ZNF718: variants seen among roughly 807,000 people sequenced by gnomAD.
ZNF718 encodes the protein zinc finger protein 718.
Under a neutral mutation model 2.6 loss-of-function variants are expected in ZNF718, and 3 were observed. The ratio of observed to expected loss-of-function variants is 1.16; its 90% CI spans 0.53 to 3.01. The LOEUF is 3.01. Among genes scored for constraint, ZNF718 ranks in the 30% most tolerant of loss-of-function variants. ZNF718 has a pLI of 0.03. For missense variants in ZNF718, 468 were observed against 230.0 expected (o/e 2.03, Z -6.69); for synonymous variants, 135 against 77.9 (o/e 1.73, Z -3.86).
At chr4:144,856 C>T (rs547596133) in intron 3 of ZNF718, among the ~76,000 whole-genome samples, 49 of 152,228 alleles carry the variant, frequency 3.2e-4, no homozygotes, top group Admixed American at 5.9e-4. Flanking sequence ...TGTATCTTGA[C>T]TAAATGTATG....
chr4:161,110 C>A lies in ZNF718; in HGVS notation c.425C>A (p.Thr142Lys), dbSNP rs1272656729. 2 of 765,626 alleles carry A rather than the reference C, an allele frequency of 2.6e-6. No individual in the cohort carries two copies. Among genetic ancestry groups the A allele is most frequent in the Non-Finnish European group, 2.4e-6 (1 of 409,816 alleles). 47.4% of individuals were successfully genotyped at this position (765,626 alleles called of 1,614,324 possible). A position where few individuals can be genotyped will look rare whatever the true frequency, so the allele number is the denominator to read the frequency against. Residue 142 changes from threonine to lysine, a missense_variant, in exon 4 of 4, where the codon ACA (threonine) becomes AAA (lysine). Transcript: ENST00000510175. ...TGCTTATTAACTACCCAGAAAAAAA[C>A]AATTCAATCTAATATATGTGTCAAA... ...NQCLLTTQKK[T>K]IQSNICVKVF...
intron 3 of ZNF718, among the ~76,000 whole-genome samples, chr4:138,123 A>G (rs1553809675): frequency 6.6e-6 from 1 of 152,198 alleles, no homozygotes. Context: ...TCAAGTGTTT[A>G]TTCTTTGTTT....
chr4:164,876 T>A (rs1372034327), downstream of ZNF718, among the ~76,000 whole-genome samples: 2 of 152,200 alleles, frequency 1.3e-5, no homozygotes, highest in African/African-American at 4.8e-5. Flanking sequence ...AGGTGTGTAA[T>A]AGCTGCTCCA....
intron 3 of ZNF718, among the ~76,000 whole-genome samples, chr4:194,523 CCTGA>C (rs1170147627): frequency 1.3e-5 from 2 of 152,164 alleles, no homozygotes; most frequent in African/African-American, 4.8e-5. Context: ...CTATCTTTGA[CCTGA>C]CTGAGATATC....
chr4:134,375 C>A (rs949923606), intron 3 of ZNF718, among the ~76,000 whole-genome samples: 2 of 152,104 alleles, frequency 1.3e-5, no homozygotes, highest in Admixed American at 1.3e-4. Context: ...CTCTATCTGA[C>A]CTCGTGATCT....
chr4:185,995 T>G (rs1717559813), intron 3 of ZNF718, among the ~76,000 whole-genome samples: 1 of 152,086 alleles, frequency 6.6e-6, no homozygotes, highest in South Asian at 2.1e-4. Flanking sequence ...CCTATTCGTA[T>G]TTAAGGTTAG....
chr4:156,645 C>CA (rs1464894589), intron 3 of ZNF718, among the ~76,000 whole-genome samples: 12 of 152,190 alleles, frequency 7.9e-5, no homozygotes, highest in Admixed American at 3.9e-4. Flanking sequence ...TGGCGCTTTG[C>CA]AAAAACAATT....
rs782662511 is a variant in ZNF718 at position 161,958 on chromosome 4, T to C, written c.1273T>C (p.Cys425Arg). 2.6e-5 allele frequency: 20 copies of C among 779,770 alleles called. No individual in the cohort carries two copies. Among genetic ancestry groups the C allele is most frequent in the Non-Finnish European group, 1.4e-5 (6 of 417,512 alleles). The allele number at this position is 779,770 out of a possible 1,614,324, so 48.3% of individuals were successfully genotyped here. ...TCATACTGGAGAGAAACCCTACATA[T>C]GTAAACAATGTGGCAAAGCCTTTAA... Reference protein sequence around the residue: ...KIHTGEKPYICKQCGKAFKQS... With the variant: ...KIHTGEKPYIRKQCGKAFKQS... The change falls in exon 4 of 4, where the codon TGT becomes CGT. Residue 425 changes from cysteine (C) to arginine (R), a missense_variant. By Grantham distance (180) the Cys-to-Arg change is radical. Coordinates refer to ENST00000510175, the MANE Select transcript of ZNF718 (RefSeq NM_001039127.6).
intron 3 of ZNF718, among the ~76,000 whole-genome samples, chr4:192,087 G>C (rs1476839955): frequency 6.6e-6 from 1 of 152,192 alleles, no homozygotes; most frequent in African/African-American, 2.4e-5. Flanking sequence ...TGGATCAGAA[G>C]TGCAGTGGAC....
At chr4:139,731 G>A (rs1715727607) in intron 3 of ZNF718, among the ~76,000 whole-genome samples, 1 of 152,224 alleles carries the variant, frequency 6.6e-6, no homozygotes, top group South Asian at 2.1e-4. Flanking sequence ...GGAGGAAGAA[G>A]TAAGCCCAAA....
intron 3 of ZNF718, among the ~76,000 whole-genome samples, chr4:187,219 T>C (rs1717587392): frequency 1.3e-5 from 2 of 151,880 alleles, no homozygotes; most frequent in Admixed American, 6.6e-5. Context: ...TTGGGGTTTT[T>C]TTTGTTTTTG....
intron 3 of ZNF718, chr4:149,992 A>G (rs1397292314): frequency 6.6e-6 from 1 of 152,152 alleles, no homozygotes; most frequent in African/African-American, 2.4e-5. Flanking sequence ...CTTGTAAAAT[A>G]CAATACCCAA....
chr4:189,454 T>C (rs1443760737), intron 3 of ZNF718, among the ~76,000 whole-genome samples: 1 of 152,180 alleles, frequency 6.6e-6, no homozygotes, highest in Non-Finnish European at 1.5e-5. Flanking sequence ...ATTACTGTTA[T>C]ATAAAAGTAT....
Position 131,469 on chromosome 4 carries a change from A to G in ZNF718, c.190A>G (p.Asn64Asp). ...TSLEQRKEPY[N>D]LKIHETAARP... is the part of the protein sequence containing the mutation. ...TCTGGAGCAAAGAAAAGAGCCCTAC[A>G]ATTTGAAGATACATGAAACAGCAGC... is the stretch of plus-strand genomic sequence containing the variant. The change falls in exon 3 of 4, where the codon AAT (asparagine) becomes GAT (aspartate). Residue 64 changes from asparagine (N) to aspartate (D), a missense_variant. By Grantham distance (23) the Asn-to-Asp change is conservative. Coordinates refer to ENST00000510175, the MANE Select transcript of ZNF718 (RefSeq NM_001039127.6). The G allele has an allele frequency of 1.9e-6, 1 of 526,400 alleles. No individual in the cohort carries two copies. The highest frequency in any genetic ancestry group is 3.0e-6 in the Non-Finnish European group (1 of 331,138). The allele number at this position is 526,400 out of a possible 1,614,324, so 32.6% of individuals were successfully genotyped here. A position where few individuals can be genotyped will look rare whatever the true frequency, so the allele number is the denominator to read the frequency against.
intron 3 of ZNF718, among the ~76,000 whole-genome samples, chr4:158,319 T>A (rs539424853): frequency 6.6e-6 from 1 of 152,218 alleles, no homozygotes; most frequent in East Asian, 1.9e-4. Flanking sequence ...ATTGTTAAAA[T>A]TTTTTTATTC....
intron 3 of ZNF718, among the ~76,000 whole-genome samples, chr4:177,191 C>A (rs1444193774): frequency 6.6e-6 from 1 of 152,188 alleles, no homozygotes; most frequent in Non-Finnish European, 1.5e-5. Flanking sequence ...ATTGCCTCCT[C>A]AACTTTCCAC....
chr4:172,194 T>C (rs1159793150), intron 3 of ZNF718, among the ~76,000 whole-genome samples: 2 of 152,238 alleles, frequency 1.3e-5, no homozygotes, highest in African/African-American at 2.4e-5. Context: ...CCTCTTTTTT[T>C]CTGAATAAAC....
rs782785436 is a variant in ZNF718 at position 149,086 on chromosome 4, T to G, written c.227-11826T>G. Among the ~76,000 whole-genome samples the G allele has an allele frequency of 3.9e-5, 6 of 152,214 alleles. No homozygotes were observed. The East Asian group carries it at 9.6e-4, about 24-fold the overall frequency. On this transcript the variant is annotated intron_variant, in intron 3 of 3. Coordinates refer to ENST00000510175, the MANE Select transcript of ZNF718 (RefSeq NM_001039127.6). The stretch of plus-strand genomic sequence containing the variant: ...GCTGTATTTTCATAACTAGAAGTTG[T>G]GGGTAGAGAACCTCCTATTCTGCCA...
Position 131,482 on chromosome 4 carries a change from A to C in ZNF718, c.203A>C (p.His68Pro), listed in dbSNP as rs1715348133. ...AAAGAGCCCTACAATTTGAAGATAC[A>C]TGAAACAGCAGCCAGACCCCCAGGT... is the stretch of plus-strand genomic sequence containing the variant. ...QRKEPYNLKIHETAARPPAVC... is the reference protein window; with the variant it reads ...QRKEPYNLKIPETAARPPAVC... Residue 68 changes from histidine to proline, a missense_variant, in exon 3 of 4, where the codon CAT becomes CCT. Coordinates refer to ENST00000510175, the MANE Select transcript of ZNF718 (RefSeq NM_001039127.6). 9.9e-6 allele frequency: 5 copies of C among 503,338 alleles called. 2 individuals are homozygous for C. The highest frequency in any genetic ancestry group is 1.6e-5 in the Non-Finnish European group (5 of 312,514). The allele number at this position is 503,338 out of a possible 1,614,324, so 31.2% of individuals were successfully genotyped here. A position where few individuals can be genotyped will look rare whatever the true frequency, so the allele number is the denominator to read the frequency against.
Sources: allele counts gnomAD v4.1 joint callset (sites outside exome capture counted in the v4.1 genomes callset), GRCh38; gene constraint gnomAD v4.1.1; transcripts MANE v1.5; gene names NCBI Gene and HGNC (gene_info 2026-07-23, HGNC 2026-07-21).